The following SFMBT2 variants were observed in gnomAD, a reference collection of about 807,000 sequenced individuals.
The protein encoded by SFMBT2 is Scm like with four mbt domains 2.
SFMBT2 carries 38 observed loss-of-function variants against 110.1 expected under a neutral mutation model. That is an observed-to-expected ratio of 0.35 (90% CI 0.27 to 0.45). The LOEUF (loss-of-function observed/expected upper bound fraction) is 0.45, where lower values mean the gene tolerates loss of function less well. SFMBT2 is among the 20% of genes least tolerant of loss of function. The pLI is 1.00. For synonymous variants in SFMBT2, 425 were observed against 425.4 expected, an observed-to-expected ratio of 1.00 and a Z score of 0.01; for missense variants, 1,011 against 1,094.9, an observed-to-expected ratio of 0.92 and a Z score of 1.08.
At chr10:7,194,643 G>C (rs1291478448) in intron 15 of SFMBT2, among the ~76,000 whole-genome samples, 1 of 152,206 alleles carries the variant, frequency 6.6e-6, no homozygotes, top group Non-Finnish European at 1.5e-5. Context: ...ACTGAAAGAG[G>C]AGCATTAGCG....
chr10:7,168,895 G>C (rs550581708), intron 20 of SFMBT2, among the ~76,000 whole-genome samples: 28 of 152,274 alleles, frequency 1.8e-4, no homozygotes, highest in African/African-American at 6.7e-4. Flanking sequence ...GTCCAGACAG[G>C]AAGGGTGGCC....
At chr10:7,384,752 G>T (rs1845541301) in intron 1 of SFMBT2, among the ~76,000 whole-genome samples, 1 of 152,178 alleles carries the variant, frequency 6.6e-6, no homozygotes, top group Non-Finnish European at 1.5e-5. Context: ...TTTGCTAAAA[G>T]AACCCTCCGA....
intron 4 of SFMBT2, among the ~76,000 whole-genome samples, chr10:7,340,763 G>C (rs1843873765): frequency 6.8e-6 from 1 of 147,648 alleles, no homozygotes; most frequent in East Asian, 2.0e-4. Flanking sequence ...GAAGAGAGCA[G>C]ATGGGAGCAC....
chr10:7,348,335 T>C (rs1390870856), intron 4 of SFMBT2: 4 of 1,524,590 alleles, frequency 2.6e-6, no homozygotes, highest in African/African-American at 1.4e-5. Context: ...CACTCTCTAC[T>C]ACAAAAAAAT....
At chr10:7,406,780 A>T (rs1846222966) in intron 1 of SFMBT2, among the ~76,000 whole-genome samples, 1 of 152,232 alleles carries the variant, frequency 6.6e-6, no homozygotes, top group Non-Finnish European at 1.5e-5. Context: ...GGATGGATGT[A>T]TCCCAATGGG....
At chr10:7,280,193 C>T (rs1455146240) in intron 6 of SFMBT2, among the ~76,000 whole-genome samples, 3 of 152,230 alleles carry the variant, frequency 2.0e-5, no homozygotes, top group African/African-American at 7.2e-5. Flanking sequence ...TGATCTCACA[C>T]TTCCAGCCTC....
chr10:7,243,534 T>C (rs567968827), intron 9 of SFMBT2, 24 bp downstream of exon 9: 5 of 872,072 alleles, frequency 5.7e-6, no homozygotes, highest in South Asian at 3.9e-5. Flanking sequence ...CTCCAGACCC[T>C]GCATACCTTC....
rs536854636 is a variant in SFMBT2 at position 7,170,680 on chromosome 10, G to A, written c.2544+248C>T. ...TGGGTGGTGTCACTAGAGCCTGGAA[G>A]AGTCACCCCTCCGCCCCCCACCATG... On this transcript the variant is annotated intron_variant, in intron 20 of 20. Coordinates refer to ENST00000397167, the MANE Select transcript of SFMBT2 (RefSeq NM_001387889.1). The surrounding 1 kb of genome is among the most constrained non-coding windows in gnomAD (Gnocchi z 4.6). 6.2e-4 allele frequency among the ~76,000 whole-genome samples: 94 copies of A among 152,208 alleles called. No homozygotes were observed. The highest frequency in any genetic ancestry group is 2.1e-3 in the African/African-American group (86 of 41,540).
intron 20 of SFMBT2, among the ~76,000 whole-genome samples, chr10:7,167,588 C>T (rs112745754): frequency 6.6e-6 from 1 of 152,084 alleles, no homozygotes; most frequent in Non-Finnish European, 1.5e-5. Context: ...ACAATGCCTG[C>T]GGTGACCTAC....
chr10:7,238,039 C>T (rs542690585), intron 9 of SFMBT2, among the ~76,000 whole-genome samples: 93 of 152,250 alleles, frequency 6.1e-4, no homozygotes, highest in African/African-American at 2.2e-3. Context: ...GAAGTCAGCA[C>T]GGCTGGGTGC....
At chr10:7,395,699 CTCT>C (rs1845904887) in intron 1 of SFMBT2, among the ~76,000 whole-genome samples, 1 of 138,944 alleles carries the variant, frequency 7.2e-6, no homozygotes, top group Non-Finnish European at 1.5e-5. Flanking sequence ...TTTCTAAAAG[CTCT>C]TTTTTTTTTT....
rs756748261 is a variant in SFMBT2, at chr10:7,205,946, G to T, written c.1331-18C>A. The T allele has an allele frequency of 2.5e-6, 4 of 1,613,394 alleles. No homozygotes were observed. The East Asian group carries it at 8.9e-5, about 36-fold the overall frequency. On this transcript the variant is annotated intron_variant, in intron 11 of 20. Transcript: ENST00000397167. Reference sequence around the variant, plus strand: ...CTGCAGCCCTGCATGGGAAGAAGTTGAAACAAGAGGTACAAACAGATCTTA... The same window carrying T: ...CTGCAGCCCTGCATGGGAAGAAGTTTAAACAAGAGGTACAAACAGATCTTA...
At chr10:7,370,205 T>C in intron 3 of SFMBT2, 76 bp downstream of exon 3, 1 of 1,328,744 alleles carries the variant, frequency 7.5e-7, no homozygotes, top group Non-Finnish European at 1.1e-6. Context: ...TTCCATTGAG[T>C]TCTCCGGCTT....
intron 4 of SFMBT2, among the ~76,000 whole-genome samples, chr10:7,345,124 G>A (rs1250375633): frequency 6.6e-6 from 1 of 152,052 alleles, no homozygotes; most frequent in African/African-American, 2.4e-5. Context: ...TCCGTGGAGG[G>A]AACAGAAACC....
chr10:7,403,336 GTGAA>G (rs1211932811), intron 1 of SFMBT2, among the ~76,000 whole-genome samples: 2 of 152,176 alleles, frequency 1.3e-5, no homozygotes, highest in African/African-American at 4.8e-5. Context: ...AATTAAGTAA[GTGAA>G]TGGTTTAAAG....
chr10:7,239,843 TG>T (rs1840378571), intron 9 of SFMBT2, among the ~76,000 whole-genome samples: 1 of 152,114 alleles, frequency 6.6e-6, no homozygotes, highest in Admixed American at 6.5e-5. Context: ...TGGATACGGT[TG>T]TGTAGAAAAA....
Position 7,408,697 on chromosome 10 carries a change from G to A in SFMBT2, c.-52+2164C>T, listed in dbSNP as rs1190536717. On this transcript the variant is annotated intron_variant, in intron 1 of 20. Transcript: ENST00000397167. This position sits in a 1 kb window ranked among gnomAD's most constrained non-coding sequence, Gnocchi z 5.7. ...GACCCCTGTCGGGAACCCTGTTCCCGGCTAAGCTGCGTTCCCGCATTCCGG... is the reference window on the plus strand; with the variant it reads ...GACCCCTGTCGGGAACCCTGTTCCCAGCTAAGCTGCGTTCCCGCATTCCGG... 6.6e-6 allele frequency: 1 copy of A among 152,244 alleles called. No homozygotes were observed. Among genetic ancestry groups the A allele is most frequent in the Non-Finnish European group, 1.5e-5 (1 of 68,072 alleles). 9.4% of individuals were successfully genotyped at this position (152,244 alleles called of 1,614,324 possible).
chr10:7,232,967 C>T (rs1219055059), intron 9 of SFMBT2, among the ~76,000 whole-genome samples: 2 of 152,062 alleles, frequency 1.3e-5, no homozygotes, highest in Non-Finnish European at 2.9e-5. Context: ...TCTTGAGATG[C>T]TCATGGTAGC....
chr10:7,277,486 T>C (rs1841819520), intron 6 of SFMBT2: 1 of 234,574 alleles, frequency 4.3e-6, no homozygotes. Flanking sequence ...AGTCAGAAAA[T>C]TATTAAAAGG....
Sources: gnomAD v4.1 joint callset for allele counts (sites outside exome capture counted in the v4.1 genomes callset) on GRCh38, gnomAD v4.1.1 for gene constraint, Gnocchi (gnomAD v3.1) non-coding constraint, MANE v1.5 for transcripts, NCBI Gene and HGNC (gene_info 2026-07-23, HGNC 2026-07-21) for gene names.